The following KCNQ1 variants were observed in gnomAD, a reference collection of about 807,000 sequenced individuals.
The protein encoded by KCNQ1 is potassium voltage-gated channel subfamily KQT member 1.
A neutral mutation model predicts 72.4 loss-of-function variants in KCNQ1; 49 were observed. The ratio of observed to expected loss-of-function variants is 0.68; its 90% confidence interval spans 0.54 to 0.86. KCNQ1 has a LOEUF of 0.86. KCNQ1 is among the 40% of genes least tolerant of loss of function. The pLI is 0.00. For missense variants in KCNQ1, 790 were observed against 945.1 expected, an observed-to-expected ratio of 0.84 and a Z score of 2.15; for synonymous variants, 450 against 412.6, an observed-to-expected ratio of 1.09 and a Z score of -1.10.
intron 15 of KCNQ1, among the ~76,000 whole-genome samples, chr11:2,812,164 C>T (rs935238600): frequency 1.3e-5 from 2 of 152,228 alleles, no homozygotes; most frequent in African/African-American, 2.4e-5. Flanking sequence ...GGCTGGTCCC[C>T]ACACAAACTT....
At chr11:2,742,842 C>T (rs1389176827) in intron 11 of KCNQ1, among the ~76,000 whole-genome samples, 4 of 152,160 alleles carry the variant, frequency 2.6e-5, no homozygotes, top group Admixed American at 6.5e-5. Context: ...TAGGGACCCC[C>T]GAGTAAGCAG....
rs1846656383 is a variant in KCNQ1 at position 2,481,884 on chromosome 11, A to G, written c.386+36400A>G. On this transcript the variant is annotated intron_variant, in intron 1 of 15. Coordinates refer to ENST00000155840, the MANE Select transcript of KCNQ1 (RefSeq NM_000218.3). This position sits in a 1 kb window ranked among gnomAD's most constrained non-coding sequence, Gnocchi z 4.6. ...ATTATTTAATTCTATATTACAATGTAATAATAGTAGAAATAAAGTGCCCAA... is the reference window on the plus strand; with the variant it reads ...ATTATTTAATTCTATATTACAATGTGATAATAGTAGAAATAAAGTGCCCAA... Among the ~76,000 whole-genome samples, 1 of 152,162 alleles carries G rather than the reference A, an allele frequency of 6.6e-6. No homozygotes were observed. The highest frequency in any genetic ancestry group is 1.5e-5 in the Non-Finnish European group (1 of 68,016).
intron 10 of KCNQ1, chr11:2,618,555 C>A: frequency 2.5e-6 from 1 of 398,512 alleles, no homozygotes; most frequent in Non-Finnish European, 4.4e-6. Flanking sequence ...TTCCACTGGT[C>A]TACATGTTTG....
At chr11:2,503,696 TAAAA>T (rs546684245) in intron 1 of KCNQ1, among the ~76,000 whole-genome samples, 9 of 149,894 alleles carry the variant, frequency 6.0e-5, no homozygotes, top group African/African-American at 1.5e-4. Context: ...ATAATAATAA[TAAAA>T]AAACAAATGA....
rs1846242491 is a variant in KCNQ1 at position 2,752,521 on chromosome 11, C to T, written c.1515-16323C>T. Among the ~76,000 whole-genome samples, 1 of 152,078 alleles carries T rather than the reference C, an allele frequency of 6.6e-6. No homozygotes were observed. On this transcript the variant is annotated intron_variant, in intron 11 of 15. Transcript: ENST00000155840. This position sits in a 1 kb window ranked among gnomAD's most constrained non-coding sequence, Gnocchi z 5.2. ...TCATTGTTCTGGAGACTGGGAAGCA[C>T]AGGGTCAGGGCGCCAGCAGATCTGG...
At position 2,603,051 on chromosome 11, in the gene KCNQ1, A is replaced by G. The variant is rs1313525712; in HGVS notation, c.1393+14197A>G. ...CTTGTGGAGATATAGTTTACATACCATACAATTCACCCATTTAAAGAATAT... is the reference window on the plus strand; with the variant it reads ...CTTGTGGAGATATAGTTTACATACCGTACAATTCACCCATTTAAAGAATAT... On this transcript the variant is annotated intron_variant, in intron 10 of 15. Transcript: ENST00000155840. The surrounding 1 kb of genome is among the most constrained non-coding windows in gnomAD (Gnocchi z 4.1). Among the ~76,000 whole-genome samples the G allele has an allele frequency of 6.6e-6, 1 of 152,204 alleles. No individual in the cohort carries two copies. Among genetic ancestry groups the G allele is most frequent in the Non-Finnish European group, 1.5e-5 (1 of 68,046 alleles).
Position 2,674,831 on chromosome 11 carries a change from TTAAAAAAAAA to T in KCNQ1, c.1514+12751_1514+12760del, listed in dbSNP as rs1850263282. The T allele has an allele frequency of 2.7e-6, 1 of 367,734 alleles. No homozygotes were observed. The highest frequency in any genetic ancestry group is 4.6e-6 in the Non-Finnish European group (1 of 217,594). 22.8% of individuals were successfully genotyped at this position (367,734 alleles called of 1,614,324 possible). On this transcript the variant is annotated intron_variant, in intron 11 of 15. Transcript: ENST00000155840. This position sits in a 1 kb window ranked among gnomAD's most constrained non-coding sequence, Gnocchi z 5.9. ...GGCTTGTCACCCTAATAGCTGTTTT[TTAAAAAAAAA>T]AAAAAAAAAAAAAAAAAAAGCTCAC...
In KCNQ1 at chr11:2,654,947, A is replaced by G. The variant is rs1590009665; in HGVS notation, c.1394-7014A>G. ...GGCACAGATACAGGAGACTTCCACA[A>G]ATTATTGTTTCTTGACTTGGAAAAG... On this transcript the variant is annotated intron_variant, in intron 10 of 15. Transcript: ENST00000155840. This position sits in a 1 kb window ranked among gnomAD's most constrained non-coding sequence, Gnocchi z 6.4. 1 of 398,622 alleles carries G rather than the reference A, an allele frequency of 2.5e-6. No individual in the cohort carries two copies. 24.7% of individuals were successfully genotyped at this position (398,622 alleles called of 1,614,324 possible).
At chr11:2,717,564 G>C (rs371380075) in intron 11 of KCNQ1, among the ~76,000 whole-genome samples, 1 of 152,182 alleles carries the variant, frequency 6.6e-6, no homozygotes, top group Admixed American at 6.5e-5. Flanking sequence ...GGATGGGTGA[G>C]GGAGAGGAGC....
rs1846955682 is a variant in KCNQ1, at chr11:2,498,423, C to T, written c.387-29505C>T. 6.6e-6 allele frequency among the ~76,000 whole-genome samples: 1 copy of T among 152,234 alleles called. No individual in the cohort carries two copies. The highest frequency in any genetic ancestry group is 2.1e-4 in the South Asian group (1 of 4,834). On this transcript the variant is annotated intron_variant, in intron 1 of 15. Coordinates refer to ENST00000155840, the MANE Select transcript of KCNQ1 (RefSeq NM_000218.3). The surrounding 1 kb of genome is among the most constrained non-coding windows in gnomAD (Gnocchi z 4.8). The stretch of plus-strand genomic sequence containing the variant: ...ATCTAGAGAAGCAGTCTGGCCTCAG[C>T]TGCTTTGCTGTGCTTTGGTGAATTC...
rs1343159500 is a variant in KCNQ1 at position 2,715,956 on chromosome 11, G to A, written c.1515-52888G>A. Among the ~76,000 whole-genome samples, 6 of 151,804 alleles carry A rather than the reference G, an allele frequency of 4.0e-5. No individual in the cohort carries two copies. The highest frequency in any genetic ancestry group is 6.5e-5 in the Admixed American group (1 of 15,274). ...TGCAAACCATAAACCTGTCCCCCAC[G>A]TCACCTCCAAACCCTTTGGGCTGGC... On this transcript the variant is annotated intron_variant, in intron 11 of 15. Transcript: ENST00000155840. This position sits in a 1 kb window ranked among gnomAD's most constrained non-coding sequence, Gnocchi z 4.9.
chr11:2,493,533 G>A lies in KCNQ1; in HGVS notation c.387-34395G>A, dbSNP rs957393926. ...TCTTGAGTTAATTTTTATATAAGTTGTAAGGAAGGGGTCCAGTTTCTGTTT... is the reference window on the plus strand; with the variant it reads ...TCTTGAGTTAATTTTTATATAAGTTATAAGGAAGGGGTCCAGTTTCTGTTT... On this transcript the variant is annotated intron_variant, in intron 1 of 15. Coordinates refer to ENST00000155840, the MANE Select transcript of KCNQ1 (RefSeq NM_000218.3). This position sits in a 1 kb window ranked among gnomAD's most constrained non-coding sequence, Gnocchi z 5.3. Among the ~76,000 whole-genome samples the A allele has an allele frequency of 6.6e-6, 1 of 152,294 alleles. No individual in the cohort carries two copies. The highest frequency in any genetic ancestry group is 1.9e-4 in the East Asian group (1 of 5,182).
At chr11:2,696,607 G>T (rs1476346072) in intron 11 of KCNQ1, 3 of 398,530 alleles carry the variant, frequency 7.5e-6, no homozygotes. Flanking sequence ...CCTCCAACTG[G>T]AAGTTTGAGT....
At chr11:2,517,975 A>G (rs1847316026) in intron 1 of KCNQ1, among the ~76,000 whole-genome samples, 1 of 152,260 alleles carries the variant, frequency 6.6e-6, no homozygotes, top group Non-Finnish European at 1.5e-5. Context: ...AACAGAGTCT[A>G]AGGAGCCTAA....
At chr11:2,842,662 G>A (rs1848237486) in intron 15 of KCNQ1, among the ~76,000 whole-genome samples, 1 of 152,144 alleles carries the variant, frequency 6.6e-6, no homozygotes, top group Non-Finnish European at 1.5e-5. Context: ...GTTCGTACGA[G>A]GTACACATAT....
At chr11:2,810,897 G>A (rs1232227156) in intron 15 of KCNQ1, among the ~76,000 whole-genome samples, 2 of 152,198 alleles carry the variant, frequency 1.3e-5, no homozygotes, top group African/African-American at 4.8e-5. Context: ...CCTGTAGGAC[G>A]CTCTGCTGTG....
chr11:2,583,390 G>A (rs769314356), intron 6 of KCNQ1, 45 bp from the exon 7 acceptor site: 2 of 1,407,608 alleles, frequency 1.4e-6, no homozygotes, highest in Non-Finnish European at 2.0e-6. Context: ...GCCCTCCCGA[G>A]GCTCCAGTCC....
chr11:2,823,925 A>C (rs1319425270), intron 15 of KCNQ1, among the ~76,000 whole-genome samples: 1 of 152,196 alleles, frequency 6.6e-6, no homozygotes, highest in African/African-American at 2.4e-5. Context: ...TCTAGTAGCT[A>C]AGATTGACAA....
chr11:2,447,155 G>A lies in KCNQ1; in HGVS notation c.386+1671G>A, dbSNP rs1046502986. Among the ~76,000 whole-genome samples, 4 of 152,158 alleles carry A rather than the reference G, an allele frequency of 2.6e-5. No individual in the cohort carries two copies. Among genetic ancestry groups the A allele is most frequent in the Non-Finnish European group, 5.9e-5 (4 of 68,032 alleles). ...GAAGAGGAGGAAGAGGGCTCGCCAC[G>A]CCCCAGAGGAAGTCTCTGCTTGCAC... is the stretch of plus-strand genomic sequence containing the variant. On this transcript the variant is annotated intron_variant, in intron 1 of 15. Transcript: ENST00000155840. This position sits in a 1 kb window ranked among gnomAD's most constrained non-coding sequence, Gnocchi z 7.6.
Sources: gnomAD v4.1 joint callset for allele counts (sites outside exome capture counted in the v4.1 genomes callset) on GRCh38, gnomAD v4.1.1 for gene constraint, Gnocchi (gnomAD v3.1) non-coding constraint, MANE v1.5 for transcripts, NCBI Gene and HGNC (gene_info 2026-07-23, HGNC 2026-07-21) for gene names.